The following STXBP3 variants were observed in gnomAD, a reference collection of about 807,000 sequenced individuals.
STXBP3 encodes the protein syntaxin binding protein 3, also known as syntaxin-binding protein 3.
In STXBP3, 41 loss-of-function variants were observed where a neutral mutation model predicts 85.7. The ratio of observed to expected loss-of-function variants is 0.48; its 90% CI spans 0.37 to 0.62. The LOEUF (loss-of-function observed/expected upper bound fraction) is 0.62, where lower values mean the gene tolerates loss of function less well. STXBP3 is among the 20% of genes least tolerant of loss of function. The pLI is 0.00. For missense variants in STXBP3, 563 were observed against 703.1 expected, an observed-to-expected ratio of 0.80 and a Z score of 2.25; for synonymous variants, 229 against 231.7, an observed-to-expected ratio of 0.99 and a Z score of 0.10.
At chr1:108,766,360 A>G (rs1464497598) in intron 6 of STXBP3, among the ~76,000 whole-genome samples, 1 of 152,184 alleles carries the variant, frequency 6.6e-6, no homozygotes, top group Non-Finnish European at 1.5e-5. Context: ...TTTGATTTGC[A>G]TGTGACTTAG....
At chr1:108,797,414 CTT>C (rs1322961126) in intron 15 of STXBP3, among the ~76,000 whole-genome samples, 22 of 135,078 alleles carry the variant, frequency 1.6e-4, no homozygotes, top group South Asian at 2.5e-4. Flanking sequence ...TCTTTCCCAT[CTT>C]TTTTTTTTTT....
intron 16 of STXBP3, among the ~76,000 whole-genome samples, chr1:108,799,181 G>A (rs1410198406): frequency 6.6e-6 from 1 of 152,120 alleles, no homozygotes; most frequent in African/African-American, 2.4e-5. Flanking sequence ...GCATAACTAT[G>A]ATTTCTCTGT....
At chr1:108,790,308 G>T (rs938030280) in intron 11 of STXBP3, among the ~76,000 whole-genome samples, 23 of 151,942 alleles carry the variant, frequency 1.5e-4, no homozygotes, top group Admixed American at 3.3e-4. Context: ...GTTGAATTTG[G>T]CCTTTTATCA....
chr1:108,806,416 T>C (rs1053133746), intron 17 of STXBP3, among the ~76,000 whole-genome samples: 11 of 152,134 alleles, frequency 7.2e-5, no homozygotes, highest in Admixed American at 7.2e-4. Context: ...TCTAGAGCAA[T>C]CTGGAGGAGG....
At position 108,758,572 on chromosome 1, in the gene STXBP3, T is replaced by C. The variant is rs779899397; in HGVS notation, c.321T>C (p.Tyr107=). 3.9e-6 allele frequency: 6 copies of C among 1,527,688 alleles called. No homozygotes were observed. 94.6% of individuals were successfully genotyped at this position (1,527,688 alleles called of 1,614,324 possible). Residue 107 remains tyrosine (Y), a synonymous_variant, in exon 5 of 19, where the codon TAT becomes TAC. Coordinates refer to ENST00000370008, the MANE Select transcript of STXBP3 (RefSeq NM_007269.4). ...CGGAGAACAAGTATAAAGCAGCATA[T>C]ATTTACTTCACTGACTGTAAGTCTT... ...SKSENKYKAA[Y]IYFTDFCPDN... is the part of the protein sequence containing the mutation.
At chr1:108,801,285 T>C (rs1663227536) in intron 17 of STXBP3, among the ~76,000 whole-genome samples, 3 of 152,160 alleles carry the variant, frequency 2.0e-5, no homozygotes, top group Non-Finnish European at 4.4e-5. Flanking sequence ...TGTTTTTTTT[T>C]CCCCCAAGTA....
intron 11 of STXBP3, among the ~76,000 whole-genome samples, chr1:108,788,514 G>A (rs1662906305): frequency 6.6e-6 from 1 of 152,154 alleles, no homozygotes; most frequent in South Asian, 2.1e-4. Context: ...CATTGAAGCA[G>A]TTCAGGCATA....
At chr1:108,753,314 C>A in intron 3 of STXBP3, 170 bp downstream of exon 3, 1 of 375,320 alleles carries the variant, frequency 2.7e-6, no homozygotes. Flanking sequence ...AGTTTTTTTC[C>A]CTCAGCCGAG....
chr1:108,799,364 T>C (rs1462896335), intron 16 of STXBP3, among the ~76,000 whole-genome samples: 1 of 152,210 alleles, frequency 6.6e-6, no homozygotes, highest in Non-Finnish European at 1.5e-5. Context: ...TTTAAACATA[T>C]TCCTAATCAG....
At chr1:108,781,690 G>T (rs1662717230) in intron 9 of STXBP3, 1 of 152,100 alleles carries the variant, frequency 6.6e-6, no homozygotes, top group African/African-American at 2.4e-5. Context: ...TATTTAATAG[G>T]TTATATTGGG....
intron 12 of STXBP3, 134 bp downstream of exon 12, chr1:108,793,781 G>A (rs1011165849): frequency 5.0e-6 from 3 of 605,378 alleles, no homozygotes; most frequent in Non-Finnish European, 5.5e-6. Flanking sequence ...CTTACTATAG[G>A]TCTGAGAGAT....
At chr1:108,775,703 C>T (rs1215601129) in intron 7 of STXBP3, among the ~76,000 whole-genome samples, 1 of 152,056 alleles carries the variant, frequency 6.6e-6, no homozygotes, top group Non-Finnish European at 1.5e-5. Flanking sequence ...ATGGTGACCG[C>T]CAGTTCCATC....
In STXBP3 at chr1:108,753,104, G is replaced by A. The variant is rs142156708; in HGVS notation, c.141G>A (p.Ser47=). The part of the protein sequence containing the change: ...LDEFTTKLLA[S]CCKMTDLLEE... ...AATTTACCACTAAGCTTTTGGCATC[G>A]TGTTGCAAAATGACAGATCTTCTAG... The change falls in exon 3 of 19, where the codon TCG becomes TCA. Residue 47 remains serine, a synonymous_variant. Coordinates refer to ENST00000370008, the MANE Select transcript of STXBP3 (RefSeq NM_007269.4). 42 of 1,583,634 alleles carry A rather than the reference G, an allele frequency of 2.7e-5. No individual in the cohort carries two copies. Among genetic ancestry groups the A allele is most frequent in the Admixed American group, 9.2e-5 (5 of 54,438 alleles).
intron 12 of STXBP3, 105 bp downstream of exon 12, chr1:108,793,752 G>GTTAT: frequency 1.1e-6 from 1 of 922,986 alleles, no homozygotes; most frequent in South Asian, 1.6e-5. Flanking sequence ...AATACTTGGT[G>GTTAT]TTATTTGTCC....
chr1:108,752,412 GTAATC>G, intron 2 of STXBP3, 106 bp downstream of exon 2: 2 of 1,010,976 alleles, frequency 2.0e-6, no homozygotes, highest in Admixed American at 5.0e-5. Context: ...TCTAGTATAA[GTAATC>G]TAAAGATAAT....
intron 17 of STXBP3, among the ~76,000 whole-genome samples, chr1:108,806,209 A>G (rs1663328750): frequency 6.6e-6 from 1 of 152,196 alleles, no homozygotes; most frequent in South Asian, 2.1e-4. Flanking sequence ...GCTAGCCAAT[A>G]GAACTTTCTG....
intron 6 of STXBP3, among the ~76,000 whole-genome samples, chr1:108,772,272 CTG>C (rs1380609877): frequency 1.3e-5 from 1 of 74,404 alleles, no homozygotes; most frequent in East Asian, 2.4e-4. Flanking sequence ...TGATATCTAT[CTG>C]TATCATATAT....
At chr1:108,765,164 T>C (rs1418349640) in intron 6 of STXBP3, among the ~76,000 whole-genome samples, 3 of 152,224 alleles carry the variant, frequency 2.0e-5, no homozygotes, top group African/African-American at 4.8e-5. Flanking sequence ...TTGTCAGCTT[T>C]GTCGAATATC....
intron 11 of STXBP3, among the ~76,000 whole-genome samples, chr1:108,790,538 A>G (rs1032914016): frequency 6.6e-6 from 1 of 152,026 alleles, no homozygotes; most frequent in Non-Finnish European, 1.5e-5. Flanking sequence ...TCTTTTAATT[A>G]GAATGCTTGT....
Sources: allele counts gnomAD v4.1 joint callset (sites outside exome capture counted in the v4.1 genomes callset), GRCh38; gene constraint gnomAD v4.1.1; transcripts MANE v1.5; gene names NCBI Gene and HGNC (gene_info 2026-07-23, HGNC 2026-07-21).